Variants in TRNT1 observed in about 807,000 individuals in gnomAD.
The protein encoded by TRNT1 is CCA tRNA nucleotidyltransferase 1, mitochondrial.
In TRNT1, 44 loss-of-function variants were observed where a neutral mutation model predicts 45.6. That is an observed-to-expected ratio of 0.97 (90% confidence interval 0.76 to 1.24). The LOEUF is 1.24. Among genes scored for constraint, TRNT1 ranks in the 50% most tolerant of loss-of-function variants. TRNT1 has a pLI of 0.00. For synonymous variants in TRNT1, 201 were observed against 171.4 expected (o/e 1.17, Z -1.35); for missense variants, 633 against 504.4 (o/e 1.25, Z -2.44).
At chr3:3,152,774 T>G (rs1706670866), downstream of TRNT1, among the ~76,000 whole-genome samples, 1 of 152,202 alleles carries the variant, frequency 6.6e-6, no homozygotes, top group South Asian at 2.1e-4. Flanking sequence ...CAGACAGGCC[T>G]GTTTTGTCTA....
Position 3,148,268 on chromosome 3 carries a change from G to A in TRNT1, c.*114G>A, listed in dbSNP as rs765753900. 18 of 1,124,756 alleles carry A rather than the reference G, an allele frequency of 1.6e-5. No individual in the cohort carries two copies. The highest frequency in any genetic ancestry group is 2.2e-5 in the Non-Finnish European group (17 of 790,698). 69.7% of individuals were successfully genotyped at this position (1,124,756 alleles called of 1,614,324 possible). ...ATAAAAGACAGTTTAGGGGACCTCT[G>A]TAGAACAACAAGGGTCTTATTTTGT... On this transcript the variant is annotated 3_prime_UTR_variant, in exon 8 of 8. Coordinates refer to ENST00000251607, the MANE Select transcript of TRNT1 (RefSeq NM_182916.3).
At chr3:3,129,645 A>G in intron 2 of TRNT1, 5 of 574,796 alleles carry the variant, frequency 8.7e-6, no homozygotes, top group Non-Finnish European at 3.1e-6. Flanking sequence ...AAATATAGCT[A>G]AATCACTGGA....
chr3:3,151,992 A>T (rs1669342), downstream of TRNT1, among the ~76,000 whole-genome samples: 1 of 152,004 alleles, frequency 6.6e-6, no homozygotes, highest in African/African-American at 2.4e-5. Context: ...TCAGAATTAC[A>T]TGACTGACAG....
intron 4 of TRNT1, among the ~76,000 whole-genome samples, chr3:3,144,190 T>G (rs1705834256): frequency 6.6e-6 from 1 of 152,212 alleles, no homozygotes; most frequent in African/African-American, 2.4e-5. Flanking sequence ...TTATAAAGAT[T>G]CCAAGATTAA....
At chr3:3,133,055 A>G (rs1705113271) in intron 2 of TRNT1, among the ~76,000 whole-genome samples, 1 of 152,204 alleles carries the variant, frequency 6.6e-6, no homozygotes, top group Non-Finnish European at 1.5e-5. Context: ...GATGGCTGCT[A>G]TATAGTGATA....
rs1706263568 is a variant in TRNT1, at chr3:3,148,956, T to TATTA, written c.*803_*806dup. Reference sequence around the variant, plus strand: ...TTATTAATTAAAAGGATATGGCTATTATTATATATTCTCTAAAGATTTGAG... The same window carrying TATTA: ...TTATTAATTAAAAGGATATGGCTATTATTAATTATATATTCTCTAAAGATTTGAG... On this transcript the variant is annotated 3_prime_UTR_variant, in exon 8 of 8. Coordinates refer to ENST00000251607, the MANE Select transcript of TRNT1 (RefSeq NM_182916.3). 2.0e-5 allele frequency: 1 copy of TATTA among 51,130 alleles called. No homozygotes were observed. The highest frequency in any genetic ancestry group is 4.5e-5 in the African/African-American group (1 of 22,204). 3.2% of individuals were successfully genotyped at this position (51,130 alleles called of 1,614,324 possible). A position where few individuals can be genotyped will look rare whatever the true frequency, so the allele number is the denominator to read the frequency against.
chr3:3,142,929 C>A (rs1705746727), intron 4 of TRNT1, among the ~76,000 whole-genome samples: 1 of 152,134 alleles, frequency 6.6e-6, no homozygotes, highest in African/African-American at 2.4e-5. Flanking sequence ...AGATGGTTCC[C>A]TTTTAAAAGT....
At chr3:3,144,774 A>C in intron 5 of TRNT1, 64 bp downstream of exon 5, 1 of 1,403,632 alleles carries the variant, frequency 7.1e-7, no homozygotes, top group Non-Finnish European at 9.5e-7. Flanking sequence ...AACAGTGGTC[A>C]TACGAAACCC....
At chr3:3,134,002 G>C (rs1705171604) in intron 2 of TRNT1, among the ~76,000 whole-genome samples, 1 of 152,154 alleles carries the variant, frequency 6.6e-6, no homozygotes, top group South Asian at 2.1e-4. Context: ...ATGGTCTTTT[G>C]AATTGCTAAT....
intron 2 of TRNT1, chr3:3,129,857 G>C (rs1287294741): frequency 1.3e-6 from 2 of 1,550,174 alleles, no homozygotes; most frequent in Admixed American, 2.0e-5. Flanking sequence ...GCTAGGTTTC[G>C]AACTTACGCA....
chr3:3,147,021 T>G (rs1706078600), intron 6 of TRNT1, among the ~76,000 whole-genome samples: 1 of 152,222 alleles, frequency 6.6e-6, no homozygotes, highest in South Asian at 2.1e-4. Flanking sequence ...AATTGTTCAG[T>G]AAACGTTGTA....
intron 5 of TRNT1, among the ~76,000 whole-genome samples, chr3:3,145,940 G>A (rs1198203504): frequency 1.3e-5 from 2 of 151,338 alleles, no homozygotes; most frequent in Admixed American, 6.6e-5. Flanking sequence ...ATACTCCAGG[G>A]TGCGCAACTA....
At chr3:3,128,775 C>T (rs1291126325) in intron 1 of TRNT1, among the ~76,000 whole-genome samples, 1 of 20,500 alleles carries the variant, frequency 4.9e-5, no homozygotes, top group Non-Finnish European at 2.6e-3. Context: ...AGTACTGAAA[C>T]AGTTATGGAG....
chr3:3,127,690 G>C (rs377068207), intron 1 of TRNT1: 1 of 152,220 alleles, frequency 6.6e-6, no homozygotes, highest in African/African-American at 2.4e-5. Flanking sequence ...GGGGAAGTAG[G>C]GTGATACCCA....
At chr3:3,139,420 G>A (rs1249329500) in intron 3 of TRNT1, among the ~76,000 whole-genome samples, 1 of 152,184 alleles carries the variant, frequency 6.6e-6, no homozygotes, top group Non-Finnish European at 1.5e-5. Context: ...TCTGGTGATC[G>A]TTAACGGCTT....
chr3:3,143,525 G>GCTAA (rs1705791585), intron 4 of TRNT1, among the ~76,000 whole-genome samples: 1 of 152,128 alleles, frequency 6.6e-6, no homozygotes, highest in East Asian at 1.9e-4. Context: ...CCACACCCTT[G>GCTAA]CTAACACTGT....
intron 3 of TRNT1, among the ~76,000 whole-genome samples, chr3:3,140,113 A>G (rs568312751): frequency 4.6e-5 from 7 of 152,298 alleles, no homozygotes; most frequent in Non-Finnish European, 7.3e-5. Context: ...CTTTCGCTCA[A>G]TGGCAAATGT....
At chr3:3,140,857 C>A in intron 4 of TRNT1, 1 of 430,726 alleles carries the variant, frequency 2.3e-6, no homozygotes, top group Non-Finnish European at 4.2e-6. Flanking sequence ...CCAAGGCAGG[C>A]GGATCATGGG....
downstream of TRNT1, chr3:3,149,612 G>A (rs1026307243): frequency 1.3e-5 from 2 of 151,978 alleles, no homozygotes; most frequent in Non-Finnish European, 2.9e-5. Context: ...AGAACTATAG[G>A]AACAAACCAG....
Sources: gnomAD v4.1 joint callset for allele counts (sites outside exome capture counted in the v4.1 genomes callset) on GRCh38, gnomAD v4.1.1 for gene constraint, MANE v1.5 for transcripts, NCBI Gene and HGNC (gene_info 2026-07-23, HGNC 2026-07-21) for gene names.